MYO1C: variants seen among roughly 807,000 people sequenced by gnomAD.
MYO1C encodes myosin IC, also known as unconventional myosin-Ic.
MYO1C carries 104 observed loss-of-function variants against 150.8 expected under a neutral mutation model. The ratio of observed to expected loss-of-function variants is 0.69; its 90% CI spans 0.59 to 0.81. MYO1C has a LOEUF of 0.81. Ranked by LOEUF, MYO1C falls within the 30% of genes least tolerant of loss-of-function variation. MYO1C has a pLI of 0.00. For synonymous variants in MYO1C, 663 were observed against 579.9 expected (o/e 1.14, Z -2.06); for missense variants, 1,504 against 1,435.0 (o/e 1.05, Z -0.78).
At chr17:1,468,533 G>A in intron 25 of MYO1C, 37 bp from the exon 26 acceptor site, 1 of 1,558,242 alleles carries the variant, frequency 6.4e-7, no homozygotes, top group Non-Finnish European at 8.8e-7. Flanking sequence ...GTGTCATGGT[G>A]GGGAGCACCA....
chr17:1,466,220 G>A (rs1386976544), intron 31 of MYO1C, among the ~76,000 whole-genome samples: 2 of 138,760 alleles, frequency 1.4e-5, no homozygotes, highest in African/African-American at 5.5e-5. Context: ...GTGCAGTGGT[G>A]AGATCTTGGG....
Position 1,470,432 on chromosome 17 carries a change from C to T in MYO1C, c.2366+3G>A, listed in dbSNP as rs1348738773. 1.9e-6 allele frequency: 3 copies of T among 1,550,406 alleles called. No homozygotes were observed. The highest frequency in any genetic ancestry group is 2.6e-6 in the Non-Finnish European group (3 of 1,147,014). ...AGCCCCCACAAGGCACCCTGGCGCTCACCGCCGGATGGTCTGTGCCGCCCA... is the reference window on the plus strand; with the variant it reads ...AGCCCCCACAAGGCACCCTGGCGCTTACCGCCGGATGGTCTGTGCCGCCCA... On this transcript the variant is annotated splice_donor_region_variant and intron_variant, in intron 23 of 31. Transcript: ENST00000648651.
intron 13 of MYO1C, 64 bp from the exon 14 acceptor site, chr17:1,477,660 G>A: frequency 1.5e-6 from 2 of 1,346,620 alleles, no homozygotes; most frequent in South Asian, 1.2e-5. Context: ...AGAGGATTGG[G>A]GTCACCGTGC....
chr17:1,465,910 T>TC lies in MYO1C; in HGVS notation c.3166-159dup, dbSNP rs143169426. ...TTGGACTCCTGGGCTCAAGCTGTCC[T>TC]CCCACCTCTGCTTCCCTAAGAGTTG... On this transcript the variant is annotated intron_variant, in intron 31 of 31. Coordinates refer to ENST00000648651, the MANE Select transcript of MYO1C (RefSeq NM_001080779.2). Among the ~76,000 whole-genome samples the TC allele has an allele frequency of 6.2e-3, 941 of 152,220 alleles. 8 individuals carry two copies. Among genetic ancestry groups the TC allele is most frequent in the African/African-American group, 0.021 (873 of 41,516 alleles).
At chr17:1,472,331 C>T in intron 17 of MYO1C, 103 bp from the exon 18 acceptor site, 5 of 986,978 alleles carry the variant, frequency 5.1e-6, no homozygotes, top group Non-Finnish European at 7.8e-6. Context: ...GCGCAGCAGC[C>T]TCTGATTCTG....
Position 1,484,273 on chromosome 17 carries a change from T to C in MYO1C, c.106A>G (p.Met36Val), listed in dbSNP as rs2074603340. 3 of 1,611,610 alleles carry C rather than the reference T, an allele frequency of 1.9e-6. No individual in the cohort carries two copies. Among genetic ancestry groups the C allele is most frequent in the East Asian group, 4.5e-5 (2 of 44,870 alleles). Residue 36 changes from methionine to valine, a missense_variant, in exon 2 of 32, where the codon ATG becomes GTG. Coordinates refer to ENST00000648651, the MANE Select transcript of MYO1C (RefSeq NM_001080779.2). ...TCACGGGCGGTGAGCGCACTCTCCA[T>C]GGTCACCCGAACCCCGTCACTGCCC... ...ALGSDGVRVTMESALTARDRV... is the reference protein window; with the variant it reads ...ALGSDGVRVTVESALTARDRV...
At position 1,479,505 on chromosome 17, in the gene MYO1C, G is replaced by A; in HGVS notation, c.1021-3C>T. ...GTCGAGCCTTCCACGCTGAGGAGCT[G>A]CCAAGGGCAGGCGAGGACACGGTGA... On this transcript the variant is annotated splice_polypyrimidine_tract_variant and splice_region_variant and intron_variant, in intron 8 of 31. Coordinates refer to ENST00000648651, the MANE Select transcript of MYO1C (RefSeq NM_001080779.2). The surrounding 1 kb of genome is among the most constrained non-coding windows in gnomAD (Gnocchi z 4.2). 1 of 1,518,708 alleles carries A rather than the reference G, an allele frequency of 6.6e-7. No homozygotes were observed. 94.1% of individuals were successfully genotyped at this position (1,518,708 alleles called of 1,614,324 possible). A position where few individuals can be genotyped will look rare whatever the true frequency, so the allele number is the denominator to read the frequency against.
Position 1,485,151 on chromosome 17 carries a change from A to G in MYO1C, c.76-848T>C, listed in dbSNP as rs574521306. On this transcript the variant is annotated intron_variant, in intron 1 of 31. Coordinates refer to ENST00000648651, the MANE Select transcript of MYO1C (RefSeq NM_001080779.2). ...GAAAGCCCAGCTGCCTCTGGGTCCT[A>G]CTGGAGGGTGGAGGGTGGTGCAGGC... 7 of 1,202,368 alleles carry G rather than the reference A, an allele frequency of 5.8e-6. No individual in the cohort carries two copies. The African/African-American group carries it at 9.5e-5, about 16-fold the overall frequency. The allele number at this position is 1,202,368 out of a possible 1,614,324, so 74.5% of individuals were successfully genotyped here.
intron 17 of MYO1C, 70 bp from the exon 18 acceptor site, chr17:1,472,298 C>G: frequency 7.3e-7 from 1 of 1,370,104 alleles, no homozygotes; most frequent in Non-Finnish European, 1.0e-6. Flanking sequence ...CAGCGAGTAC[C>G]CCACTCCCCT....
At chr17:1,485,267 C>G in intron 1 of MYO1C, 2 of 1,158,332 alleles carry the variant, frequency 1.7e-6, no homozygotes, top group South Asian at 3.4e-5. Flanking sequence ...CCCAGAGTAT[C>G]CAGGGTCAGA....
Position 1,479,739 on chromosome 17 carries a change from G to A in MYO1C, c.907-34C>T. The A allele has an allele frequency of 6.6e-7, 1 of 1,523,124 alleles. No homozygotes were observed. The highest frequency in any genetic ancestry group is 9.0e-7 in the Non-Finnish European group (1 of 1,111,148). The allele number at this position is 1,523,124 out of a possible 1,614,324, so 94.4% of individuals were successfully genotyped here. On this transcript the variant is annotated intron_variant, in intron 7 of 31. Coordinates refer to ENST00000648651, the MANE Select transcript of MYO1C (RefSeq NM_001080779.2). The surrounding 1 kb of genome is among the most constrained non-coding windows in gnomAD (Gnocchi z 4.2). ...GCAGGCCGGGGGCAGGAGGGGGTGA[G>A]AGGGGCCAGAGAGCCCCAAGAGGGC...
chr17:1,483,377 C>T (rs1196753645), intron 3 of MYO1C, among the ~76,000 whole-genome samples: 1 of 151,292 alleles, frequency 6.6e-6, no homozygotes, highest in Admixed American at 6.6e-5. Context: ...ATTGGGGGGC[C>T]ACTCCCAGTT....
In MYO1C at chr17:1,471,164, G is replaced by C. The variant is rs1039813748; in HGVS notation, c.2136-17C>G. ...ATCTTGGTCCTGGGAGAGCAGTAGT[G>C]ATCAGCCCGGGGTTGCCACTCCCAT... On this transcript the variant is annotated splice_polypyrimidine_tract_variant and intron_variant, in intron 20 of 31. Transcript: ENST00000648651. 3 of 1,613,952 alleles carry C rather than the reference G, an allele frequency of 1.9e-6. No individual in the cohort carries two copies. In the African/African-American group the frequency reaches 4.0e-5, roughly 22 times the overall value.
rs770345075 is a variant in MYO1C at position 1,468,298 on chromosome 17, C to T, written c.2715G>A (p.Glu905=). ...LFISTRLGTD[E]ISPRVLQALG... is the part of the protein sequence containing the mutation. ...AGGCCTGCAGCACTCGGGGGCTGATCTCATCTGTACCTGCAACTCAGATGG... is the reference window on the plus strand; with the variant it reads ...AGGCCTGCAGCACTCGGGGGCTGATTTCATCTGTACCTGCAACTCAGATGG... Residue 905 remains glutamate (E), a synonymous_variant, in exon 27 of 32, where the codon GAG becomes GAA. Transcript: ENST00000648651. 2 of 1,614,012 alleles carry T rather than the reference C, an allele frequency of 1.2e-6. No homozygotes were observed. Among genetic ancestry groups the T allele is most frequent in the Non-Finnish European group, 1.7e-6 (2 of 1,180,018 alleles).
intron 1 of MYO1C, chr17:1,485,498 C>T (rs1468453946): frequency 3.0e-5 from 18 of 591,070 alleles, no homozygotes; most frequent in Non-Finnish European, 3.6e-5. Flanking sequence ...TCCCCGGCGG[C>T]TCCTCATCCG....
In MYO1C at chr17:1,478,336, G is replaced by A; in HGVS notation, c.1295+74C>T. 6.3e-7 allele frequency: 1 copy of A among 1,591,090 alleles called. No individual in the cohort carries two copies. The highest frequency in any genetic ancestry group is 8.6e-7 in the Non-Finnish European group (1 of 1,159,314). On this transcript the variant is annotated intron_variant, in intron 11 of 31. Transcript: ENST00000648651. This position sits in a 1 kb window ranked among gnomAD's most constrained non-coding sequence, Gnocchi z 6.3. Reference sequence around the variant, plus strand: ...GGCTGGGGAGTCACAGGGCAGGAATGAGAGGCTGGAGGACAGAAGAGAGGG... The same window carrying A: ...GGCTGGGGAGTCACAGGGCAGGAATAAGAGGCTGGAGGACAGAAGAGAGGG...
chr17:1,491,423 G>A lies in MYO1C; in HGVS notation c.75+990C>T, dbSNP rs116435838. ...GGTAAATCTAAGTCTCCACCAGGCTGCGCCGGCGCCTCCGGGTCGTGGGAC... is the reference window on the plus strand; with the variant it reads ...GGTAAATCTAAGTCTCCACCAGGCTACGCCGGCGCCTCCGGGTCGTGGGAC... On this transcript the variant is annotated intron_variant, in intron 1 of 31. Transcript: ENST00000648651. 5.0e-3 allele frequency among the ~76,000 whole-genome samples: 744 copies of A among 148,718 alleles called. 7 individuals are homozygous for A. Among genetic ancestry groups the A allele is most frequent in the African/African-American group, 0.017 (700 of 40,266 alleles).
chr17:1,477,536 C>T lies in MYO1C; in HGVS notation c.1543G>A (p.Asp515Asn). The T allele has an allele frequency of 6.2e-7, 1 of 1,613,726 alleles. No homozygotes were observed. The highest frequency in any genetic ancestry group is 8.5e-7 in the Non-Finnish European group (1 of 1,180,026). Residue 515 changes from aspartate (D) to asparagine (N), a missense_variant, in exon 14 of 32, where the codon GAT becomes AAT. Transcript: ENST00000648651. ...TDLTFLEKLE[D>N]TVKHHPHFLT... ...AAGTGTGGATGGTGCTTGACAGTATCCTCCAGCTTCTCCAGGAAGGTCAGG... is the reference window on the plus strand; with the variant it reads ...AAGTGTGGATGGTGCTTGACAGTATTCTCCAGCTTCTCCAGGAAGGTCAGG...
At position 1,471,214 on chromosome 17, in the gene MYO1C, A is replaced by G. The variant is rs778331595; in HGVS notation, c.2135+9T>C. On this transcript the variant is annotated intron_variant, in intron 20 of 31. Transcript: ENST00000648651. ...TTCCCCGCAGGCACCCGGCACGGAC[A>G]CTACCCACCTGCCCATCTTGTACTC... The G allele has an allele frequency of 8.1e-6, 13 of 1,613,750 alleles. No homozygotes were observed. The South Asian group carries it at 9.9e-5, about 12-fold the overall frequency.
Sources: allele counts gnomAD v4.1 joint callset (sites outside exome capture counted in the v4.1 genomes callset), GRCh38; gene constraint gnomAD v4.1.1; non-coding constraint Gnocchi (gnomAD v3.1); transcripts MANE v1.5; gene names NCBI Gene and HGNC (gene_info 2026-07-23, HGNC 2026-07-21).